The following BRINP2 variants were observed in gnomAD, a reference collection of about 807,000 sequenced individuals.
BRINP2 encodes the protein BMP/retinoic acid inducible neural specific 2.
Under a neutral mutation model 69.2 loss-of-function variants are expected in BRINP2, and 21 were observed. The observed-to-expected ratio is 0.30, with a 90% CI of 0.22 to 0.44. The LOEUF (loss-of-function observed/expected upper bound fraction) is 0.44, where lower values mean the gene tolerates loss of function less well. Among genes scored for constraint, BRINP2 ranks in the 20% least tolerant of loss-of-function variants. BRINP2 has a pLI of 1.00. For synonymous variants in BRINP2, 380 were observed against 394.1 expected, an observed-to-expected ratio of 0.96 and a Z score of 0.42; for missense variants, 877 against 986.0, an observed-to-expected ratio of 0.89 and a Z score of 1.48.
intron 5 of BRINP2, among the ~76,000 whole-genome samples, chr1:177,274,871 G>A (rs979178328): frequency 1.2e-4 from 18 of 152,184 alleles, no homozygotes; most frequent in African/African-American, 4.3e-4. Context: ...ATTGGAGGTA[G>A]ACCTCAAGAA....
At chr1:177,232,261 A>G (rs192324659) in intron 2 of BRINP2, among the ~76,000 whole-genome samples, 1 of 152,322 alleles carries the variant, frequency 6.6e-6, no homozygotes, top group Non-Finnish European at 1.5e-5. Context: ...ACAGCCTGGT[A>G]GCCACTTAGC....
chr1:177,182,830 TCA>T (rs1648300363), intron 1 of BRINP2, among the ~76,000 whole-genome samples: 1 of 152,150 alleles, frequency 6.6e-6, no homozygotes, highest in Admixed American at 6.5e-5. Context: ...GTGGTACAAC[TCA>T]CAGGGTTAGA....
chr1:177,268,121 C>T (rs1479414491), intron 4 of BRINP2, among the ~76,000 whole-genome samples: 1 of 152,168 alleles, frequency 6.6e-6, no homozygotes, highest in African/African-American at 2.4e-5. Flanking sequence ...GACTAAGGAG[C>T]AAAGTTGTGT....
At chr1:177,174,573 A>G in intron 1 of BRINP2, among the ~76,000 whole-genome samples, 1 of 152,220 alleles carries the variant, frequency 6.6e-6, no homozygotes, top group Non-Finnish European at 1.5e-5. Flanking sequence ...CAGTATTCAA[A>G]GGAAGGAGAA....
chr1:177,239,509 C>T (rs1650131072), intron 2 of BRINP2, among the ~76,000 whole-genome samples: 1 of 152,194 alleles, frequency 6.6e-6, no homozygotes, highest in Admixed American at 6.5e-5. Flanking sequence ...ATCCCTACCA[C>T]CTGACTTTAG....
At chr1:177,204,088 T>G (rs1472406544) in intron 1 of BRINP2, among the ~76,000 whole-genome samples, 1 of 152,212 alleles carries the variant, frequency 6.6e-6, no homozygotes, top group Admixed American at 6.5e-5. Flanking sequence ...GACATTGGTG[T>G]GTTTTATGGC....
At chr1:177,239,023 A>G (rs1650117942) in intron 2 of BRINP2, among the ~76,000 whole-genome samples, 1 of 152,196 alleles carries the variant, frequency 6.6e-6, no homozygotes, top group Non-Finnish European at 1.5e-5. Context: ...AAGACAGGGA[A>G]CCTGTCCATT....
At chr1:177,175,193 T>C (rs1648051420) in intron 1 of BRINP2, among the ~76,000 whole-genome samples, 1 of 152,194 alleles carries the variant, frequency 6.6e-6, no homozygotes, top group South Asian at 2.1e-4. Flanking sequence ...TTCTTGAGCA[T>C]GCCCATGTAC....
chr1:177,229,885 G>T lies in BRINP2; in HGVS notation c.9G>T (p.Trp3Cys), dbSNP rs147833227. ...AATCGCCCGGGAGAAGCATGAGGTG[G>T]CAGTGTGGCACTCGGTTTAGAGGGC... MRWQCGTRFRGLR... is the reference protein window; with the variant it reads MRCQCGTRFRGLR... Residue 3 changes from tryptophan (W) to cysteine (C), a missense_variant, in exon 2 of 8, where the codon TGG becomes TGT. This residue lies in a region of BRINP2 where 566 missense variants were observed against 625.2 expected (regional missense o/e 0.91). Transcript: ENST00000361539. The T allele has an allele frequency of 3.7e-4, 585 of 1,584,614 alleles. 6 individuals are homozygous for T. The highest frequency in any genetic ancestry group is 3.4e-3 in the South Asian group (304 of 88,126).
intron 1 of BRINP2, among the ~76,000 whole-genome samples, chr1:177,214,074 A>G (rs913245044): frequency 1.3e-5 from 2 of 152,194 alleles, no homozygotes; most frequent in African/African-American, 4.8e-5. Flanking sequence ...ACCTTCAAAC[A>G]GTGTCCAAAT....
intron 1 of BRINP2, among the ~76,000 whole-genome samples, chr1:177,211,319 A>C (rs2102310985): frequency 6.6e-6 from 1 of 152,284 alleles, no homozygotes; most frequent in South Asian, 2.1e-4. Context: ...TCTACAGGGA[A>C]GTTATGCAAG....
rs776486603 is a variant in BRINP2 at position 177,273,529 on chromosome 1, T to C, written c.711T>C (p.Tyr237=). The change falls in exon 5 of 8, where the codon TAT becomes TAC. Residue 237 remains tyrosine, a synonymous_variant. Transcript: ENST00000361539. ...CCGGTCCTCTGGGCTGCAGCAACTA[T>C]GACAATCTGGACTCAGTCAGTTCTG... ...TRTGPLGCSN[Y]DNLDSVSSVL... 1 of 1,610,308 alleles carries C rather than the reference T, an allele frequency of 6.2e-7. No homozygotes were observed. The highest frequency in any genetic ancestry group is 8.5e-7 in the Non-Finnish European group (1 of 1,178,200).
intron 2 of BRINP2, among the ~76,000 whole-genome samples, chr1:177,233,217 T>C (rs1649915786): frequency 6.6e-6 from 1 of 152,224 alleles, no homozygotes; most frequent in Non-Finnish European, 1.5e-5. Context: ...ATTACAAGTT[T>C]GTATTCATAC....
chr1:177,199,468 G>A (rs1264209436), intron 1 of BRINP2, among the ~76,000 whole-genome samples: 2 of 152,142 alleles, frequency 1.3e-5, no homozygotes, highest in Non-Finnish European at 2.9e-5. Flanking sequence ...AATGTCCCAG[G>A]CAGACTGGAA....
chr1:177,268,706 C>G (rs1651207243), intron 4 of BRINP2, among the ~76,000 whole-genome samples: 1 of 152,136 alleles, frequency 6.6e-6, no homozygotes, highest in Admixed American at 6.5e-5. Context: ...ATACACTCAC[C>G]AAGACACTAG....
intron 1 of BRINP2, 25 bp from the exon 2 acceptor site, chr1:177,229,776 G>A: frequency 6.1e-6 from 9 of 1,475,544 alleles, no homozygotes; most frequent in Non-Finnish European, 8.1e-6. Flanking sequence ...GTGCTCAAAT[G>A]ACAATGCCTT....
chr1:177,226,641 G>T (rs1300859756), intron 1 of BRINP2, among the ~76,000 whole-genome samples: 3 of 152,198 alleles, frequency 2.0e-5, no homozygotes, highest in Non-Finnish European at 4.4e-5. Flanking sequence ...ATGGGTACAG[G>T]TTAACTGGGT....
At chr1:177,189,434 G>A (rs904436372) in intron 1 of BRINP2, among the ~76,000 whole-genome samples, 5 of 152,130 alleles carry the variant, frequency 3.3e-5, no homozygotes, top group Non-Finnish European at 7.3e-5. Context: ...ATGTTGTAGA[G>A]AGGTGACAGA....
At chr1:177,249,643 A>G (rs562552273) in intron 2 of BRINP2, among the ~76,000 whole-genome samples, 12 of 152,370 alleles carry the variant, frequency 7.9e-5, no homozygotes, top group African/African-American at 2.9e-4. Flanking sequence ...GTGTGTGTTA[A>G]TATAATTGAT....
Sources: gnomAD v4.1 joint callset for allele counts (sites outside exome capture counted in the v4.1 genomes callset) on GRCh38, gnomAD v4.1.1 for gene constraint, gnomAD v4.1.1 regional missense constraint, MANE v1.5 for transcripts, NCBI Gene and HGNC (gene_info 2026-07-23, HGNC 2026-07-21) for gene names.